Variants in MUC20 observed in about 807,000 individuals in gnomAD.
MUC20 encodes mucin 20, cell surface associated, also known as mucin-20.
A neutral mutation model predicts 23.8 loss-of-function variants in MUC20; 14 were observed. That is an observed-to-expected ratio of 0.59 (90% CI 0.39 to 0.92). The LOEUF is 0.92. Among genes scored for constraint, MUC20 ranks in the 40% least tolerant of loss-of-function variants. The pLI, the probability that MUC20 is intolerant of heterozygous loss-of-function variation, is 0.00. For synonymous variants in MUC20, 166 were observed against 279.3 expected (o/e 0.59, Z 4.04); for missense variants, 375 against 668.8 (o/e 0.56, Z 4.85).
chr3:195,729,458 A>C (rs915424173), intron 2 of MUC20, 190 bp from the exon 3 acceptor site: 50 of 593,618 alleles, frequency 8.4e-5, no homozygotes, highest in African/African-American at 7.3e-4. Flanking sequence ...CTGGGATTAC[A>C]GGCACGCACC....
At chr3:195,729,220 A>G (rs1381680552) in intron 2 of MUC20, 1 of 185,432 alleles carries the variant, frequency 5.4e-6, no homozygotes, top group African/African-American at 2.4e-5. Flanking sequence ...AGTTCTCTCC[A>G]CACATGTAAC....
At position 195,729,639 on chromosome 3, in the gene MUC20, C is replaced by T; in HGVS notation, c.1970-9C>T. The stretch of plus-strand genomic sequence containing the variant: ...CCCTGATTTTCATCTTACTGTTCTC[C>T]ATTTGCAGGTGAAAATGGAGGTTTC... On this transcript the variant is annotated splice_polypyrimidine_tract_variant and intron_variant, in intron 2 of 3. Transcript: ENST00000447234. 1 of 1,569,744 alleles carries T rather than the reference C, an allele frequency of 6.4e-7. No individual in the cohort carries two copies. Among genetic ancestry groups the T allele is most frequent in the African/African-American group, 1.4e-5 (1 of 73,960 alleles).
chr3:195,728,744 ATGG>A, intron 2 of MUC20, among the ~76,000 whole-genome samples: 2 of 151,276 alleles, frequency 1.3e-5, no homozygotes, highest in Admixed American at 1.3e-4. Context: ...CAGACTATAC[ATGG>A]GGAGAAAGCT....
chr3:195,723,455 G>A (rs1314304908), intron 1 of MUC20, among the ~76,000 whole-genome samples: 53 of 106,782 alleles, frequency 5.0e-4, no homozygotes, highest in African/African-American at 9.0e-4. Flanking sequence ...TAGGGGGTTC[G>A]TATTTGATCC....
In MUC20 at chr3:195,726,575, A is replaced by C; in HGVS notation, c.1969+3A>C. The C allele has an allele frequency of 6.2e-7, 1 of 1,605,370 alleles. No individual in the cohort carries two copies. The highest frequency in any genetic ancestry group is 8.5e-7 in the Non-Finnish European group (1 of 1,173,940). On this transcript the variant is annotated splice_donor_region_variant and intron_variant, in intron 2 of 3. Coordinates refer to ENST00000447234, the MANE Select transcript of MUC20 (RefSeq NM_001282506.2). ...GCCGACCACAGACGTGAGTGCAGGT[A>C]AGTGGCTCCTGCTGGTGATCTTCGG...
intron 2 of MUC20, among the ~76,000 whole-genome samples, chr3:195,727,641 A>G (rs1224808283): frequency 1.3e-5 from 2 of 152,294 alleles, no homozygotes; most frequent in African/African-American, 4.8e-5. Context: ...ACATAAAGAT[A>G]TTATTGAATA....
At chr3:195,721,628 G>T (rs9872892) in intron 1 of MUC20, 8,152 of 158,998 alleles carry the variant, frequency 0.051, no homozygotes, top group African/African-American at 0.098. Context: ...TGAAAGACGG[G>T]AATGAACCCT....
chr3:195,722,221 C>G (rs1362992460), intron 1 of MUC20: 13 of 757,684 alleles, frequency 1.7e-5, no homozygotes, highest in African/African-American at 2.1e-5. Flanking sequence ...TTTACCACCC[C>G]CCACCTCCAC....
At chr3:195,729,114 T>G (rs1414194266) in intron 2 of MUC20, among the ~76,000 whole-genome samples, 1 of 152,390 alleles carries the variant, frequency 6.6e-6, no homozygotes, top group East Asian at 1.9e-4. Context: ...TACTTTATTA[T>G]TTGTTGATTA....
intron 3 of MUC20, among the ~76,000 whole-genome samples, chr3:195,730,351 CTTTT>C (rs1375004363): frequency 2.6e-5 from 4 of 152,160 alleles, no homozygotes; most frequent in African/African-American, 9.7e-5. Context: ...TTCTTTCTTT[CTTTT>C]TGTTTTTTGA....
chr3:195,730,099 CA>C (rs4036961), intron 3 of MUC20: 7,956 of 92,438 alleles, frequency 0.086, 112 homozygotes, highest in Non-Finnish European at 0.11. Flanking sequence ...GCAGTTTATG[CA>C]AAAAAAAAAA....
At position 195,733,443 on chromosome 3, in the gene MUC20, A is replaced by T; in HGVS notation, c.*225A>T. 3 of 1,426,634 alleles carry T rather than the reference A, an allele frequency of 2.1e-6. No individual in the cohort carries two copies. The highest frequency in any genetic ancestry group is 2.7e-6 in the Non-Finnish European group (3 of 1,094,488). The allele number at this position is 1,426,634 out of a possible 1,614,324, so 88.4% of individuals were successfully genotyped here. ...GGGGAGGGGCTTCACCTGTTCCCAG[A>T]GGTGTCCTTGGACTCACCTTGGCAC... On this transcript the variant is annotated 3_prime_UTR_variant, in exon 4 of 4. Coordinates refer to ENST00000447234, the MANE Select transcript of MUC20 (RefSeq NM_001282506.2).
Position 195,733,389 on chromosome 3 carries a change from C to T in MUC20, c.*171C>T, listed in dbSNP as rs1713601523. On this transcript the variant is annotated 3_prime_UTR_variant, in exon 4 of 4. Transcript: ENST00000447234. Reference sequence around the variant, plus strand: ...TGACCCCAGATGTGGCAACAGGACCCTCGCTCACATCCACCGGAGTGTATG... The same window carrying T: ...TGACCCCAGATGTGGCAACAGGACCTTCGCTCACATCCACCGGAGTGTATG... The T allele has an allele frequency of 6.8e-7, 1 of 1,462,182 alleles. No homozygotes were observed. Among genetic ancestry groups the T allele is most frequent in the Non-Finnish European group, 9.0e-7 (1 of 1,108,042 alleles). 90.6% of individuals were successfully genotyped at this position (1,462,182 alleles called of 1,614,324 possible). A position where few individuals can be genotyped will look rare whatever the true frequency, so the allele number is the denominator to read the frequency against.
Position 195,733,536 on chromosome 3 carries a change from C to G in MUC20, c.*318C>G. ...TGTGCTTCCATCCTGCATTAAAATTCACTCAGTGTGGCCCAGAGGCTGTCT... is the reference window on the plus strand; with the variant it reads ...TGTGCTTCCATCCTGCATTAAAATTGACTCAGTGTGGCCCAGAGGCTGTCT... On this transcript the variant is annotated 3_prime_UTR_variant, in exon 4 of 4. Transcript: ENST00000447234. 1 of 1,322,320 alleles carries G rather than the reference C, an allele frequency of 7.6e-7. No individual in the cohort carries two copies. The highest frequency in any genetic ancestry group is 1.5e-5 in the African/African-American group (1 of 68,174). The allele number at this position is 1,322,320 out of a possible 1,614,324, so 81.9% of individuals were successfully genotyped here.
At chr3:195,730,984 C>T (rs1460006633) in intron 3 of MUC20, among the ~76,000 whole-genome samples, 1 of 152,186 alleles carries the variant, frequency 6.6e-6, no homozygotes, top group African/African-American at 2.4e-5. Flanking sequence ...CCTGGCCTCA[C>T]TGAGGGGTGG....
intron 3 of MUC20, 38 bp from the exon 4 acceptor site, chr3:195,733,112 G>A (rs1435754231): frequency 1.3e-6 from 2 of 1,562,222 alleles, no homozygotes; most frequent in Non-Finnish European, 1.7e-6. Flanking sequence ...TCATGGGCCA[G>A]ATGGGCTGAA....
chr3:195,727,371 C>CA (rs894954580), intron 2 of MUC20, among the ~76,000 whole-genome samples: 29 of 148,268 alleles, frequency 2.0e-4, no homozygotes, highest in East Asian at 7.8e-4. Context: ...AACTCCGTCT[C>CA]AAAAAAAAAA....
At chr3:195,732,040 G>T (rs1375946332) in intron 3 of MUC20, among the ~76,000 whole-genome samples, 1 of 151,614 alleles carries the variant, frequency 6.6e-6, no homozygotes, top group Non-Finnish European at 1.5e-5. Flanking sequence ...GTCTCACTCT[G>T]TCATCCAAGC....
At position 195,726,567 on chromosome 3, in the gene MUC20, G is replaced by A. The variant is rs778345354; in HGVS notation, c.1964G>A (p.Ser655Asn). The A allele has an allele frequency of 6.8e-6, 11 of 1,608,358 alleles. No homozygotes were observed. The highest frequency in any genetic ancestry group is 2.2e-5 in the South Asian group (2 of 90,546). The change falls in exon 2 of 4, where the codon AGT (serine) becomes AAT (asparagine). Residue 655 changes from serine to asparagine, a missense_variant. Physicochemically the swap from Ser to Asn is conservative, Grantham distance 46 (BLOSUM62 1). Coordinates refer to ENST00000447234, the MANE Select transcript of MUC20 (RefSeq NM_001282506.2). ...CGGACGAGGCCGACCACAGACGTGA[G>A]TGCAGGTAAGTGGCTCCTGCTGGTG... ...TARTRPTTDV[S>N]AGENGGFLLL...
Sources: allele counts gnomAD v4.1 joint callset (sites outside exome capture counted in the v4.1 genomes callset), GRCh38; gene constraint gnomAD v4.1.1; transcripts MANE v1.5; gene names NCBI Gene and HGNC (gene_info 2026-07-23, HGNC 2026-07-21).